Variants in DLGAP1 observed in about 807,000 individuals in gnomAD.
The protein encoded by DLGAP1 is DLG associated protein 1, also known as disks large-associated protein 1.
In DLGAP1, 11 loss-of-function variants were observed where a neutral mutation model predicts 90.8. That is an observed-to-expected ratio of 0.12 (90% confidence interval 0.08 to 0.20). DLGAP1 has a LOEUF of 0.20. Ranked by LOEUF, DLGAP1 falls within the 10% of genes least tolerant of loss-of-function variation. The pLI, the probability that DLGAP1 is intolerant of heterozygous loss-of-function variation, is 1.00. For synonymous variants in DLGAP1, 558 were observed against 540.7 expected, an observed-to-expected ratio of 1.03 and a Z score of -0.44; for missense variants, 1,050 against 1,333.8, an observed-to-expected ratio of 0.79 and a Z score of 3.31.
chr18:3,909,578 A>T (rs56114242), intron 3 of DLGAP1, among the ~76,000 whole-genome samples: 226 of 152,270 alleles, frequency 1.5e-3, no homozygotes, highest in African/African-American at 4.7e-3. Context: ...AATTACTTTT[A>T]TTTCACTGAG....
In DLGAP1 at chr18:4,355,111, A is replaced by T. The variant is rs977679602; in HGVS notation, c.-267+99895T>A. 1.3e-5 allele frequency among the ~76,000 whole-genome samples: 2 copies of T among 152,056 alleles called. 1 individual carries two copies. The highest frequency in any genetic ancestry group is 4.8e-5 in the African/African-American group (2 of 41,408). On this transcript the variant is annotated intron_variant, in intron 1 of 12. Coordinates refer to ENST00000315677, the MANE Select transcript of DLGAP1 (RefSeq NM_004746.4). ...ACATACTCTTGACATATAACTCAGCAATGACACTCTTAGGCATTTGTCCCA... is the reference window on the plus strand; with the variant it reads ...ACATACTCTTGACATATAACTCAGCTATGACACTCTTAGGCATTTGTCCCA...
intron 2 of DLGAP1, among the ~76,000 whole-genome samples, chr18:4,074,587 T>C (rs537263271): frequency 9.1e-4 from 138 of 152,256 alleles, no homozygotes; most frequent in African/African-American, 3.2e-3. Flanking sequence ...TTCAGCCACT[T>C]ATGTCATCAT....
intron 2 of DLGAP1, among the ~76,000 whole-genome samples, chr18:4,129,419 T>C (rs896830817): frequency 2.5e-4 from 38 of 152,138 alleles, no homozygotes; most frequent in African/African-American, 9.2e-4. Context: ...AAAAATTGTA[T>C]TGGGCCACAT....
intron 5 of DLGAP1, among the ~76,000 whole-genome samples, chr18:3,749,326 A>G (rs538740968): frequency 6.6e-6 from 1 of 150,820 alleles, no homozygotes; most frequent in Admixed American, 6.6e-5. Flanking sequence ...TTTTTTTTGT[A>G]TTTCTAGTAG....
chr18:3,875,615 T>C (rs917465237), intron 4 of DLGAP1, among the ~76,000 whole-genome samples: 3 of 152,210 alleles, frequency 2.0e-5, no homozygotes, highest in Non-Finnish European at 4.4e-5. Context: ...CTTAACCTAA[T>C]TTACGAAATC....
At chr18:3,920,132 C>G (rs2072233906) in intron 3 of DLGAP1, among the ~76,000 whole-genome samples, 1 of 152,112 alleles carries the variant, frequency 6.6e-6, no homozygotes. Flanking sequence ...CACTTGAGGT[C>G]AGGAGTTCGA....
chr18:3,671,962 AT>A, intron 7 of DLGAP1, among the ~76,000 whole-genome samples: 1 of 152,242 alleles, frequency 6.6e-6, no homozygotes, highest in Non-Finnish European at 1.5e-5. Flanking sequence ...GTCCTGCATA[AT>A]TCATGTTATT....
chr18:4,119,165 C>CA (rs1423458086), intron 2 of DLGAP1, among the ~76,000 whole-genome samples: 1 of 152,096 alleles, frequency 6.6e-6, no homozygotes, highest in Non-Finnish European at 1.5e-5. Flanking sequence ...GATCACAGTA[C>CA]ACTATAGCCT....
chr18:3,957,163 T>C (rs1233930780), intron 3 of DLGAP1, among the ~76,000 whole-genome samples: 1 of 152,138 alleles, frequency 6.6e-6, no homozygotes, highest in Non-Finnish European at 1.5e-5. Flanking sequence ...TCAGAGTTCT[T>C]ATAAGAGAAA....
At chr18:3,603,326 A>G (rs1401310654) in intron 7 of DLGAP1, 1 of 152,154 alleles carries the variant, frequency 6.6e-6, no homozygotes, top group Non-Finnish European at 1.5e-5. Flanking sequence ...TCCTTTACAA[A>G]AAAAAAGGCG....
intron 3 of DLGAP1, among the ~76,000 whole-genome samples, chr18:3,976,205 A>G (rs1472352670): frequency 2.7e-5 from 4 of 148,470 alleles, no homozygotes; most frequent in Non-Finnish European, 4.5e-5. Context: ...AATAATAATA[A>G]TAATAATAAT....
intron 2 of DLGAP1, among the ~76,000 whole-genome samples, chr18:4,073,246 T>A (rs2143498138): frequency 6.6e-6 from 1 of 152,300 alleles, no homozygotes; most frequent in Non-Finnish European, 1.5e-5. Flanking sequence ...TCTTAACTCA[T>A]AACCAATTTT....
chr18:4,241,573 G>A (rs2078534252), intron 1 of DLGAP1, among the ~76,000 whole-genome samples: 1 of 152,154 alleles, frequency 6.6e-6, no homozygotes, highest in African/African-American at 2.4e-5. Context: ...TTATTACAAA[G>A]AGATAAATCT....
chr18:3,509,148 A>G (rs564296443), intron 10 of DLGAP1, among the ~76,000 whole-genome samples: 1 of 152,070 alleles, frequency 6.6e-6, no homozygotes, highest in South Asian at 2.1e-4. Flanking sequence ...ATCTCTTGGC[A>G]CTCACCATAT....
At chr18:4,388,357 C>T (rs1188811739) in intron 1 of DLGAP1, among the ~76,000 whole-genome samples, 2 of 151,994 alleles carry the variant, frequency 1.3e-5, no homozygotes, top group Non-Finnish European at 2.9e-5. Flanking sequence ...GTGCCTGTGG[C>T]ACATCCATAG....
At chr18:3,751,110 C>A (rs1025725563) in intron 5 of DLGAP1, among the ~76,000 whole-genome samples, 2 of 152,192 alleles carry the variant, frequency 1.3e-5, no homozygotes, top group Non-Finnish European at 2.9e-5. Flanking sequence ...CACAGTGGTA[C>A]ACTGGCACTT....
At position 3,790,975 on chromosome 18, in the gene DLGAP1, A is replaced by T. The variant is rs78973675; in HGVS notation, c.1172+23084T>A. Among the ~76,000 whole-genome samples, 548 of 152,324 alleles carry T rather than the reference A, an allele frequency of 3.6e-3. 3 individuals are homozygous for T. The highest frequency in any genetic ancestry group is 0.012 in the African/African-American group (502 of 41,582). The stretch of plus-strand genomic sequence containing the variant: ...CAAACATGGAGGCTACTTTCGCTTC[A>T]TTAAAACAAAAGAACCAACCAGGCT... On this transcript the variant is annotated intron_variant, in intron 5 of 12. Coordinates refer to ENST00000315677, the MANE Select transcript of DLGAP1 (RefSeq NM_004746.4).
chr18:3,880,944 GAAAAA>G (rs1173817359), intron 3 of DLGAP1, among the ~76,000 whole-genome samples: 7 of 38,360 alleles, frequency 1.8e-4, no homozygotes, highest in East Asian at 7.6e-4. Context: ...CTCCATCTCA[GAAAAA>G]AAAAAAAAAA....
chr18:4,152,477 G>A (rs988355461), intron 1 of DLGAP1, among the ~76,000 whole-genome samples: 6 of 152,142 alleles, frequency 3.9e-5, no homozygotes, highest in Middle Eastern at 3.2e-3. Flanking sequence ...GCAGAATTAC[G>A]TCCCAGATGC....
Sources: gnomAD v4.1 joint callset for allele counts (sites outside exome capture counted in the v4.1 genomes callset) on GRCh38, gnomAD v4.1.1 for gene constraint, MANE v1.5 for transcripts, NCBI Gene and HGNC (gene_info 2026-07-23, HGNC 2026-07-21) for gene names.